Variants in FAM47C observed in about 807,000 individuals in gnomAD.
The protein encoded by FAM47C is family with sequence similarity 47 member C.
For missense variants in FAM47C, 847 were observed against 879.9 expected, an observed-to-expected ratio of 0.96 and a Z score of 0.47; for synonymous variants, 307 against 346.5, an observed-to-expected ratio of 0.89 and a Z score of 1.27.
chrX:37,009,875 G>A lies in FAM47C; in HGVS notation c.1465G>A (p.Glu489Lys). 1 of 1,201,208 alleles carries A rather than the reference G, an allele frequency of 8.3e-7. No individual in the cohort carries two copies. The highest frequency in any genetic ancestry group is 1.1e-6 in the Non-Finnish European group (1 of 891,709). Residue 489 changes from glutamate (E) to lysine (K), a missense_variant, in exon 1 of 1, where the codon GAG becomes AAG. By Grantham distance (56) the Glu-to-Lys change is moderately conservative. Transcript: ENST00000358047. Reference protein sequence around the residue: ...PEKDVSHLRPEPPDTGVSHLC... With the variant: ...PEKDVSHLRPKPPDTGVSHLC... ...GAAGGACGTATCTCATCTCCGCCCA[G>A]AGCCTCCCGACACTGGAGTGTCCCA...
Position 37,009,484 on chromosome X carries a change from T to G in FAM47C, c.1074T>G (p.Pro358=). The G allele has an allele frequency of 8.3e-7, 1 of 1,207,063 alleles. No individual in the cohort carries two copies. Among genetic ancestry groups the G allele is most frequent in the South Asian group, 1.8e-5 (1 of 56,611 alleles). The change falls in exon 1 of 1, where the codon CCT becomes CCG. Residue 358 remains proline (P), a synonymous_variant. Coordinates refer to ENST00000358047, the MANE Select transcript of FAM47C (RefSeq NM_001013736.3). ...ETGVSHLCPE[P]PETRVSPLRQ... ...GAGTGTCCCATCTCTGCCCGGAACC[T>G]CCAGAGACTCGCGTATCTCCTCTCC...
rs782346618 is a variant in FAM47C, at chrX:37,010,626, G to T, written c.2216G>T (p.Arg739Leu). 8.4e-7 allele frequency: 1 copy of T among 1,187,522 alleles called. No homozygotes were observed. Among genetic ancestry groups the T allele is most frequent in the Admixed American group, 2.3e-5 (1 of 43,414 alleles). The change falls in exon 1 of 1, where the codon CGC becomes CTC. Residue 739 changes from arginine to leucine, a missense_variant. Transcript: ENST00000358047. ...CCTGAGACTGGAGTGTCCCATCTCC[G>T]CCCAGAGCCTCCCAAGCCTCGGGTT... ...EPPETGVSHL[R>L]PEPPKPRVSS...
chrX:37,010,593 C>G lies in FAM47C; in HGVS notation c.2183C>G (p.Pro728Arg). The G allele has an allele frequency of 8.3e-6, 10 of 1,204,546 alleles. No homozygotes were observed. The highest frequency in any genetic ancestry group is 1.8e-5 in the South Asian group (1 of 56,458). The change falls in exon 1 of 1, where the codon CCG becomes CGG. Residue 728 changes from proline (P) to arginine (R), a missense_variant. By Grantham distance (103) the Pro-to-Arg change is moderately radical. Transcript: ENST00000358047. ...PPESRVSHLC[P>R]EPPETGVSHL... Reference sequence around the variant, plus strand: ...GAGAGTCGCGTATCTCATCTCTGCCCGGAGCCTCCTGAGACTGGAGTGTCC... The same window carrying G: ...GAGAGTCGCGTATCTCATCTCTGCCGGGAGCCTCCTGAGACTGGAGTGTCC...
Position 37,011,197 on chromosome X carries a change from T to C in FAM47C, c.2787T>C (p.His929=). Residue 929 remains histidine, a synonymous_variant, in exon 1 of 1, where the codon CAT becomes CAC. Coordinates refer to ENST00000358047, the MANE Select transcript of FAM47C (RefSeq NM_001013736.3). ...DGKIQNAPNS[H]SAQHVKMGYG... The stretch of plus-strand genomic sequence containing the variant: ...AAATCCAGAATGCACCAAATTCTCA[T>C]AGTGCACAGCATGTGAAGATGGGGT... 1 of 1,210,932 alleles carries C rather than the reference T, an allele frequency of 8.3e-7. No individual in the cohort carries two copies. The highest frequency in any genetic ancestry group is 1.1e-6 in the Non-Finnish European group (1 of 895,168).
In FAM47C at chrX:37,011,587, A is replaced by C; in HGVS notation, c.*69A>C. ...TTTTAAACATCAGTCAGAATTTATG[A>C]TGACTGGCCCCAGGAATGTACAACG... On this transcript the variant is annotated 3_prime_UTR_variant, in exon 1 of 1. Transcript: ENST00000358047. 2.1e-6 allele frequency: 2 copies of C among 959,997 alleles called. No homozygotes were observed. Among genetic ancestry groups the C allele is most frequent in the Non-Finnish European group, 1.4e-6 (1 of 701,437 alleles). 79.1% of individuals were successfully genotyped at this position (959,997 alleles called of 1,213,427 possible).
rs1927666310 is a variant in FAM47C, at chrX:37,008,606, G to T, written c.196G>T (p.Glu66Ter). ...CTTCCGCTACGGCTGTCAGTCTCCT[G>T]AAGATACGCTTGTTTGTCGCCGTGA... is the stretch of plus-strand genomic sequence containing the variant. ...DDFRYGCQSP[E>*]DTLVCRRDEF... is the part of the protein sequence containing the mutation. The change falls in exon 1 of 1, where the codon GAA (glutamate) becomes TAA (stop). Residue 66 changes from glutamate (E) to a stop codon, truncating the protein, a stop_gained. Coordinates refer to ENST00000358047, the MANE Select transcript of FAM47C (RefSeq NM_001013736.3). LOFTEE classifies it low-confidence loss of function (END_TRUNC). 1 of 1,211,338 alleles carries T rather than the reference G, an allele frequency of 8.3e-7. No homozygotes were observed. Among genetic ancestry groups the T allele is most frequent in the Non-Finnish European group, 1.1e-6 (1 of 895,447 alleles).
Position 37,010,575 on chromosome X carries a change from G to C in FAM47C, c.2165G>C (p.Arg722Pro), listed in dbSNP as rs138293293. The C allele has an allele frequency of 3.3e-6, 4 of 1,202,633 alleles. No individual in the cohort carries two copies. Among genetic ancestry groups the C allele is most frequent in the Non-Finnish European group, 4.5e-6 (4 of 892,915 alleles). The change falls in exon 1 of 1, where the codon CGC becomes CCC. Residue 722 changes from arginine (R) to proline (P), a missense_variant. Transcript: ENST00000358047. ...CTCCACGCGGAGCCTCCTGAGAGTC[G>C]CGTATCTCATCTCTGCCCGGAGCCT... is the stretch of plus-strand genomic sequence containing the variant. ...SSLHAEPPES[R>P]VSHLCPEPPE...
In FAM47C at chrX:37,009,734, C is replaced by G. The variant is rs1569416988; in HGVS notation, c.1324C>G (p.Pro442Ala). Residue 442 changes from proline (P) to alanine (A), a missense_variant, in exon 1 of 1, where the codon CCT (proline) becomes GCT (alanine). Transcript: ENST00000358047. ...TCGCGGATCTCATCTCCGCCCGGAA[C>G]CTCCTGAGACTGGAGTGTCCCATCT... ...KTRGSHLRPE[P>A]PETGVSHLRP... 7.5e-6 allele frequency: 9 copies of G among 1,206,269 alleles called. No individual in the cohort carries two copies.
At position 37,009,306 on chromosome X, in the gene FAM47C, C is replaced by T. The variant is rs1556331986; in HGVS notation, c.896C>T (p.Pro299Leu). The T allele has an allele frequency of 1.7e-6, 2 of 1,210,159 alleles. No homozygotes were observed. Among genetic ancestry groups the T allele is most frequent in the Non-Finnish European group, 2.2e-6 (2 of 894,932 alleles). ...GTATCTCATCTCCATCGGGAGCCTC[C>T]TGAGACTGGAGTGCCTGATCTCTGC... ...TRVSHLHREP[P>L]ETGVPDLCLE... The change falls in exon 1 of 1, where the codon CCT (proline) becomes CTT (leucine). Residue 299 changes from proline to leucine, a missense_variant. By Grantham distance (98) the Pro-to-Leu change is moderately conservative (BLOSUM62 -3). Coordinates refer to ENST00000358047, the MANE Select transcript of FAM47C (RefSeq NM_001013736.3).
In FAM47C at chrX:37,011,575, T is replaced by G; in HGVS notation, c.*57T>G. 1 of 1,032,977 alleles carries G rather than the reference T, an allele frequency of 9.7e-7. No homozygotes were observed. The highest frequency in any genetic ancestry group is 2.9e-5 in the Admixed American group (1 of 34,352). The allele number at this position is 1,032,977 out of a possible 1,213,427, so 85.1% of individuals were successfully genotyped here. A position where few individuals can be genotyped will look rare whatever the true frequency, so the allele number is the denominator to read the frequency against. ...TTCTTGCTCTCATTTTAAACATCAG[T>G]CAGAATTTATGATGACTGGCCCCAG... On this transcript the variant is annotated 3_prime_UTR_variant, in exon 1 of 1. Coordinates refer to ENST00000358047, the MANE Select transcript of FAM47C (RefSeq NM_001013736.3).
At position 37,011,164 on chromosome X, in the gene FAM47C, G is replaced by C. The variant is rs781799672; in HGVS notation, c.2754G>C (p.Leu918Phe). ...EVKFFSQEKD[L>F]DGKIQNAPNS... ...AATTCTTCTCACAGGAAAAAGACTT[G>C]GACGGGAAAATCCAGAATGCACCAA... The change falls in exon 1 of 1, where the codon TTG becomes TTC. Residue 918 changes from leucine to phenylalanine, a missense_variant. Physicochemically the swap from Leu to Phe is conservative, Grantham distance 22. Coordinates refer to ENST00000358047, the MANE Select transcript of FAM47C (RefSeq NM_001013736.3). 1.7e-6 allele frequency: 2 copies of C among 1,208,790 alleles called. No individual in the cohort carries two copies. The highest frequency in any genetic ancestry group is 3.5e-5 in the African/African-American group (2 of 56,990).
chrX:37,010,630 A>T lies in FAM47C; in HGVS notation c.2220A>T (p.Pro740=). ...PPETGVSHLR[P]EPPKPRVSSL... is the part of the protein sequence containing the mutation. ...AGACTGGAGTGTCCCATCTCCGCCC[A>T]GAGCCTCCCAAGCCTCGGGTTTCCA... Residue 740 remains proline, a synonymous_variant, in exon 1 of 1, where the codon CCA becomes CCT. Transcript: ENST00000358047. 1 of 1,204,653 alleles carries T rather than the reference A, an allele frequency of 8.3e-7. No homozygotes were observed. The highest frequency in any genetic ancestry group is 1.8e-5 in the South Asian group (1 of 56,578).
Position 37,010,875 on chromosome X carries a change from C to G in FAM47C, c.2465C>G (p.Ser822Cys). 8.3e-7 allele frequency: 1 copy of G among 1,211,999 alleles called. No homozygotes were observed. The highest frequency in any genetic ancestry group is 1.1e-6 in the Non-Finnish European group (1 of 895,594). The change falls in exon 1 of 1, where the codon TCC (serine) becomes TGC (cysteine). Residue 822 changes from serine (S) to cysteine (C), a missense_variant. Ser to Cys is a moderately radical substitution (Grantham distance 112). Coordinates refer to ENST00000358047, the MANE Select transcript of FAM47C (RefSeq NM_001013736.3). ...CCGGAGCCTACCAAGACCGGAGCGT[C>G]CCATCTAAAAGAACTGTTTCAGGAA... is the stretch of plus-strand genomic sequence containing the variant. ...LCPEPTKTGASHLKELFQEGT... is the reference protein window; with the variant it reads ...LCPEPTKTGACHLKELFQEGT...
chrX:37,008,544 C>A lies in FAM47C; in HGVS notation c.134C>A (p.Thr45Asn). Reference sequence around the variant, plus strand: ...CGCCTGAGGTTCCCGCCTGTGGACACCCAGAACTGGGTATTTGTGACGGAG... The same window carrying A: ...CGCCTGAGGTTCCCGCCTGTGGACAACCAGAACTGGGTATTTGTGACGGAG... ...HRRLRFPPVDTQNWVFVTEGM... is the reference protein window; with the variant it reads ...HRRLRFPPVDNQNWVFVTEGM... Residue 45 changes from threonine (T) to asparagine (N), a missense_variant, in exon 1 of 1, where the codon ACC (threonine) becomes AAC (asparagine). By Grantham distance (65) the Thr-to-Asn change is moderately conservative (BLOSUM62 0). Coordinates refer to ENST00000358047, the MANE Select transcript of FAM47C (RefSeq NM_001013736.3). The A allele has an allele frequency of 8.2e-7, 1 of 1,212,582 alleles. No individual in the cohort carries two copies. Among genetic ancestry groups the A allele is most frequent in the Non-Finnish European group, 1.1e-6 (1 of 895,677 alleles).
rs782274959 is a variant in FAM47C, at chrX:37,010,574, C to T, written c.2164C>T (p.Arg722Cys). 8.3e-7 allele frequency: 1 copy of T among 1,199,271 alleles called. No individual in the cohort carries two copies. The highest frequency in any genetic ancestry group is 2.2e-5 in the Admixed American group (1 of 44,672). ...SSLHAEPPES[R>C]VSHLCPEPPE... ...TCTCCACGCGGAGCCTCCTGAGAGTCGCGTATCTCATCTCTGCCCGGAGCC... is the reference window on the plus strand; with the variant it reads ...TCTCCACGCGGAGCCTCCTGAGAGTTGCGTATCTCATCTCTGCCCGGAGCC... Residue 722 changes from arginine (R) to cysteine (C), a missense_variant, in exon 1 of 1, where the codon CGC becomes TGC. Arg to Cys is a radical substitution (Grantham distance 180). Transcript: ENST00000358047.
rs1556332258 is a variant in FAM47C at position 37,009,676 on chromosome X, A to T, written c.1266A>T (p.Gly422=). Residue 422 remains glycine, a synonymous_variant, in exon 1 of 1, where the codon GGA becomes GGT. Coordinates refer to ENST00000358047, the MANE Select transcript of FAM47C (RefSeq NM_001013736.3). ...SNLRSEPPKI[G]VSHLCLEPPK... is the part of the protein sequence containing the mutation. ...TCCGCTCGGAGCCTCCCAAGATTGGAGTGTCCCATCTCTGCCTGGAGCCTC... is the reference window on the plus strand; with the variant it reads ...TCCGCTCGGAGCCTCCCAAGATTGGTGTGTCCCATCTCTGCCTGGAGCCTC... The T allele has an allele frequency of 2.5e-6, 3 of 1,206,827 alleles. No individual in the cohort carries two copies. In the Admixed American group the frequency reaches 6.6e-5, roughly 26 times the overall value.
In FAM47C at chrX:37,010,469, G is replaced by C. The variant is rs1215954460; in HGVS notation, c.2059G>C (p.Val687Leu). 1.7e-6 allele frequency: 2 copies of C among 1,196,528 alleles called. No individual in the cohort carries two copies. Among genetic ancestry groups the C allele is most frequent in the Admixed American group, 2.2e-5 (1 of 44,616 alleles). The stretch of plus-strand genomic sequence containing the variant: ...CTGCCCGGAGCCTCCAGAGACTCGC[G>C]TATCTCATCTCCGCCCAGAGCCTCC... ...HLCPEPPETR[V>L]SHLRPEPPET... Residue 687 changes from valine (V) to leucine (L), a missense_variant, in exon 1 of 1, where the codon GTA (valine) becomes CTA (leucine). Physicochemically the swap from Val to Leu is conservative, Grantham distance 32. Coordinates refer to ENST00000358047, the MANE Select transcript of FAM47C (RefSeq NM_001013736.3).
Position 37,009,614 on chromosome X carries a change from C to G in FAM47C, c.1204C>G (p.Leu402Val), listed in dbSNP as rs1556332215. The change falls in exon 1 of 1, where the codon CTC (leucine) becomes GTC (valine). Residue 402 changes from leucine (L) to valine (V), a missense_variant. Physicochemically the swap from Leu to Val is conservative, Grantham distance 32 (BLOSUM62 1). Transcript: ENST00000358047. ...GACCCCCAAGAATGGAGTGTCTCCT[C>G]TCTTCCCGGAGCCTCCCAAGACTCG... Reference protein sequence around the residue: ...PETPKNGVSPLFPEPPKTRIS... With the variant: ...PETPKNGVSPVFPEPPKTRIS... 3 of 1,209,696 alleles carry G rather than the reference C, an allele frequency of 2.5e-6. No homozygotes were observed. Among genetic ancestry groups the G allele is most frequent in the Non-Finnish European group, 3.4e-6 (3 of 894,859 alleles).
At position 37,011,065 on chromosome X, in the gene FAM47C, A is replaced by G. The variant is rs781786056; in HGVS notation, c.2655A>G (p.Gln885=). ...TPECRATYQD[Q]KNKKANECSS... ...AGTGCAGAGCAACCTATCAAGACCA[A>G]AAGAATAAGAAGGCAAACGAGTGTT... is the stretch of plus-strand genomic sequence containing the variant. Residue 885 remains glutamine (Q), a synonymous_variant, in exon 1 of 1, where the codon CAA becomes CAG. Transcript: ENST00000358047. The G allele has an allele frequency of 8.3e-7, 1 of 1,211,891 alleles. No homozygotes were observed. Among genetic ancestry groups the G allele is most frequent in the South Asian group, 1.8e-5 (1 of 56,998 alleles).
Sources: allele counts gnomAD v4.1 joint callset, GRCh38; gene constraint gnomAD v4.1.1; transcripts MANE v1.5; gene names NCBI Gene and HGNC (gene_info 2026-07-23, HGNC 2026-07-21).